The following MAP4 variants were observed in gnomAD, a reference collection of about 807,000 sequenced individuals.
The protein encoded by MAP4 is microtubule-associated protein 4.
A neutral mutation model predicts 170.2 loss-of-function variants in MAP4; 76 were observed. The observed-to-expected ratio is 0.45, with a 90% CI of 0.37 to 0.54. MAP4 has a LOEUF of 0.54. MAP4 is among the 20% of genes least tolerant of loss of function. The pLI, the probability that MAP4 is intolerant of heterozygous loss-of-function variation, is 0.00. For missense variants in MAP4, 2,506 were observed against 2,748.0 expected, an observed-to-expected ratio of 0.91 and a Z score of 1.97; for synonymous variants, 909 against 994.5, an observed-to-expected ratio of 0.91 and a Z score of 1.62.
At chr3:47,922,027 A>C in intron 4 of MAP4, 149 bp from the exon 5 acceptor site, 1 of 547,608 alleles carries the variant, frequency 1.8e-6, no homozygotes, top group Non-Finnish European at 3.3e-6. Flanking sequence ...GGTTCACTGC[A>C]ACCTCTACCT....
Position 48,057,632 on chromosome 3 carries a change from AAAAAG to A in MAP4, c.-20+31136_-20+31140del, listed in dbSNP as rs1157318441. ...AAAAAAATAAATAAATAAATAAATA[AAAAAG>A]AAAAAAAAGAAAAAAAAAAAAAAGT... is the stretch of plus-strand genomic sequence containing the variant. On this transcript the variant is annotated intron_variant, in intron 1 of 18. Transcript: ENST00000360240. Among the ~76,000 whole-genome samples, 157 of 137,714 alleles carry A rather than the reference AAAAAG, an allele frequency of 1.1e-3. 2 individuals carry two copies. Among genetic ancestry groups the A allele is most frequent in the South Asian group, 9.0e-3 (42 of 4,682 alleles). The allele number at this position is 137,714 out of a possible 152,430, so 90.3% of individuals were successfully genotyped here.
At chr3:47,961,896 G>A (rs553143926) in intron 3 of MAP4, among the ~76,000 whole-genome samples, 1 of 152,300 alleles carries the variant, frequency 6.6e-6, no homozygotes, top group South Asian at 2.1e-4. Flanking sequence ...AACTACCTTT[G>A]AGGTAGAAGA....
intron 10 of MAP4, among the ~76,000 whole-genome samples, chr3:47,878,652 C>T (rs996515804): frequency 3.9e-5 from 6 of 152,126 alleles, no homozygotes; most frequent in Non-Finnish European, 7.4e-5. Context: ...AATTCTCCTG[C>T]CTCAGCCTCC....
In MAP4 at chr3:47,850,912, G is replaced by C. The variant is rs2040733836; in HGVS notation, c.*2022C>G. ...CTTTGAGGGAACTCTGACCACTCCT[G>C]TTGTCTACCTAGAGAGCACGCCACT... is the stretch of plus-strand genomic sequence containing the variant. On this transcript the variant is annotated 3_prime_UTR_variant, in exon 21 of 21. Coordinates refer to ENST00000683076, the MANE Select transcript of MAP4 (RefSeq NM_001385682.1). 6.6e-6 allele frequency: 1 copy of C among 152,144 alleles called. No homozygotes were observed. Among genetic ancestry groups the C allele is most frequent in the South Asian group, 2.1e-4 (1 of 4,826 alleles). The allele number at this position is 152,144 out of a possible 1,614,324, so 9.4% of individuals were successfully genotyped here. A position where few individuals can be genotyped will look rare whatever the true frequency, so the allele number is the denominator to read the frequency against.
chr3:48,067,093 G>A (rs912064160), intron 1 of MAP4, among the ~76,000 whole-genome samples: 1 of 151,766 alleles, frequency 6.6e-6, no homozygotes, highest in Non-Finnish European at 1.5e-5. Flanking sequence ...GCCCACCTTA[G>A]CCTCCCAAAG....
chr3:47,996,585 T>C (rs933292978), intron 2 of MAP4, among the ~76,000 whole-genome samples: 2 of 152,156 alleles, frequency 1.3e-5, no homozygotes, highest in Non-Finnish European at 2.9e-5. Context: ...AGTAGTACAC[T>C]GAAGGCAATT....
intron 2 of MAP4, among the ~76,000 whole-genome samples, chr3:47,998,271 C>T (rs2100097073): frequency 1.3e-5 from 2 of 152,182 alleles, no homozygotes; most frequent in African/African-American, 4.8e-5. Flanking sequence ...ACTCCAAAGA[C>T]AACAAATGGC....
intron 10 of MAP4, among the ~76,000 whole-genome samples, chr3:47,889,324 G>C (rs1406219921): frequency 1.3e-5 from 2 of 152,196 alleles, no homozygotes; most frequent in Admixed American, 6.5e-5. Flanking sequence ...TGCCTGGAAG[G>C]CTTTCCCTCC....
chr3:48,058,116 G>A (rs1425986781), intron 1 of MAP4, among the ~76,000 whole-genome samples: 4 of 152,062 alleles, frequency 2.6e-5, no homozygotes, highest in African/African-American at 7.2e-5. Flanking sequence ...GTTCCATTTC[G>A]TTGGCTGTAA....
At chr3:47,974,677 TA>T in intron 3 of MAP4, 1 of 960,034 alleles carries the variant, frequency 1.0e-6, no homozygotes, top group Non-Finnish European at 1.2e-6. Context: ...CAACTGGTTC[TA>T]GATTTAAGCA....
upstream of MAP4, among the ~76,000 whole-genome samples, chr3:48,018,893 T>A (rs1013121469): frequency 6.6e-6 from 1 of 152,226 alleles, no homozygotes; most frequent in Admixed American, 6.5e-5. Context: ...TCTGGAATTA[T>A]AGAAAGAAAG....
intron 1 of MAP4, among the ~76,000 whole-genome samples, chr3:48,024,597 G>A (rs974714392): frequency 3.9e-5 from 6 of 152,170 alleles, no homozygotes; most frequent in African/African-American, 1.4e-4. Flanking sequence ...CAGATGGAAG[G>A]AGTTGAAATT....
intron 2 of MAP4, among the ~76,000 whole-genome samples, chr3:47,996,338 A>G (rs535346585): frequency 6.6e-6 from 1 of 152,324 alleles, no homozygotes; most frequent in East Asian, 1.9e-4. Flanking sequence ...AACGTTGAGA[A>G]AGACCCAAAC....
At chr3:47,937,656 C>CT (rs71070243) in intron 3 of MAP4, among the ~76,000 whole-genome samples, 7,808 of 107,894 alleles carry the variant, frequency 0.072, 357 homozygotes, top group Non-Finnish European at 0.095. Context: ...TTTTCTTCTT[C>CT]TTTTTTTTTT....
chr3:47,964,557 T>C (rs1038629886), intron 3 of MAP4, among the ~76,000 whole-genome samples: 1 of 152,162 alleles, frequency 6.6e-6, no homozygotes, highest in Non-Finnish European at 1.5e-5. Flanking sequence ...CATTTCAAAT[T>C]TGAGATATCA....
chr3:47,953,922 G>A (rs912600394), intron 3 of MAP4, among the ~76,000 whole-genome samples: 1 of 151,952 alleles, frequency 6.6e-6, no homozygotes, highest in Non-Finnish European at 1.5e-5. Context: ...GCTGAGGCAT[G>A]AGAATTGCTT....
intron 1 of MAP4, among the ~76,000 whole-genome samples, chr3:48,046,731 T>C (rs1430221758): frequency 6.6e-6 from 1 of 152,196 alleles, no homozygotes; most frequent in Non-Finnish European, 1.5e-5. Flanking sequence ...TATCCTTTCT[T>C]TTCCTCTGTT....
chr3:47,937,954 A>C (rs1206415914), intron 3 of MAP4, among the ~76,000 whole-genome samples: 1 of 150,310 alleles, frequency 6.7e-6, no homozygotes, highest in East Asian at 1.9e-4. Flanking sequence ...GAACCACTGC[A>C]CCCAGCCATT....
rs2100035219 is a variant in MAP4 at position 47,910,088 on chromosome 3, T to G, written c.4333A>C (p.Thr1445Pro). The G allele has an allele frequency of 6.2e-7, 1 of 1,613,674 alleles. No individual in the cohort carries two copies. The highest frequency in any genetic ancestry group is 1.7e-5 in the Admixed American group (1 of 59,972). Residue 1445 changes from threonine (T) to proline (P), a missense_variant, in exon 9 of 21, where the codon ACT (threonine) becomes CCT (proline). Around this residue, in one of 3 missense-constraint regions of MAP4, gnomAD observed 2,008 missense variants for 2,206.0 expected, o/e 0.91. Coordinates refer to ENST00000683076, the MANE Select transcript of MAP4 (RefSeq NM_001385682.1). ...LESAACEKLP[T>P]PTPQVVKEGD... ...TCCTTTACTACTTGAGGAGTAGGAG[T>G]GGGCAGTTTTTCACAGGCTGCTGAT...
Sources: gnomAD v4.1 joint callset for allele counts (sites outside exome capture counted in the v4.1 genomes callset) on GRCh38, gnomAD v4.1.1 for gene constraint, gnomAD v4.1.1 regional missense constraint, MANE v1.5 for transcripts, NCBI Gene and HGNC (gene_info 2026-07-23, HGNC 2026-07-21) for gene names.